The following DNAJC5B variants were observed in gnomAD, a reference collection of about 807,000 sequenced individuals.
DNAJC5B encodes DnaJ heat shock protein family (Hsp40) member C5 beta.
A neutral mutation model predicts 24.7 loss-of-function variants in DNAJC5B; 23 were observed. The observed-to-expected ratio is 0.93, with a 90% CI of 0.67 to 1.32. The LOEUF (loss-of-function observed/expected upper bound fraction) is 1.32, where lower values mean the gene tolerates loss of function less well. Among genes scored for constraint, DNAJC5B ranks in the 40% most tolerant of loss-of-function variants. The pLI, the probability that DNAJC5B is intolerant of heterozygous loss-of-function variation, is 0.00. For synonymous variants in DNAJC5B, 101 were observed against 90.1 expected, an observed-to-expected ratio of 1.12 and a Z score of -0.68; for missense variants, 238 against 240.8, an observed-to-expected ratio of 0.99 and a Z score of 0.08.
intron 3 of DNAJC5B, among the ~76,000 whole-genome samples, chr8:66,073,954 G>C (rs1807407906): frequency 1.3e-5 from 2 of 152,124 alleles, no homozygotes; most frequent in South Asian, 4.1e-4. Flanking sequence ...TTAAAAGAAA[G>C]AATTTGTGAT....
chr8:66,081,362 T>C (rs967179632), intron 5 of DNAJC5B, among the ~76,000 whole-genome samples: 54 of 152,150 alleles, frequency 3.5e-4, no homozygotes, highest in African/African-American at 1.1e-3. Context: ...TCTCCCATTA[T>C]TCTCTCTCAT....
At chr8:66,020,622 G>A (rs1484822465), upstream of DNAJC5B, among the ~76,000 whole-genome samples, 1 of 92,894 alleles carries the variant, frequency 1.1e-5, no homozygotes. Context: ...GTGTGTGTGT[G>A]TGTGTGTGTG....
At chr8:66,018,532 A>G (rs1372105273), upstream of DNAJC5B, among the ~76,000 whole-genome samples, 1 of 152,088 alleles carries the variant, frequency 6.6e-6, no homozygotes, top group Non-Finnish European at 1.5e-5. Context: ...AAACAAAACA[A>G]ACAAACAAAC....
chr8:66,030,303 C>T (rs550945598), intron 1 of DNAJC5B, among the ~76,000 whole-genome samples: 1 of 152,312 alleles, frequency 6.6e-6, no homozygotes, highest in African/African-American at 2.4e-5. Flanking sequence ...ATGTCCATTT[C>T]CTACATCTTC....
upstream of DNAJC5B, among the ~76,000 whole-genome samples, chr8:66,018,295 G>A (rs1048774897): frequency 7.9e-5 from 12 of 152,108 alleles, no homozygotes; most frequent in Non-Finnish European, 1.6e-4. Context: ...GAGGCGGGTG[G>A]ATCACGAGGT....
chr8:66,053,268 T>C (rs1806890978), intron 3 of DNAJC5B, among the ~76,000 whole-genome samples: 1 of 152,186 alleles, frequency 6.6e-6, no homozygotes, highest in Non-Finnish European at 1.5e-5. Context: ...CTTTCTTACA[T>C]ATAGTTTTAA....
intron 5 of DNAJC5B, among the ~76,000 whole-genome samples, chr8:66,085,177 C>T (rs796189831): frequency 2.0e-5 from 3 of 152,334 alleles, no homozygotes; most frequent in African/African-American, 7.2e-5. Context: ...CAGTGGCTTA[C>T]ATCTGTAATC....
intron 1 of DNAJC5B, among the ~76,000 whole-genome samples, chr8:66,026,041 C>A (rs1806233572): frequency 8.8e-6 from 1 of 113,548 alleles, no homozygotes; most frequent in Admixed American, 8.2e-5. Context: ...GATATTGATT[C>A]TTCCTACCCA....
intron 5 of DNAJC5B, among the ~76,000 whole-genome samples, chr8:66,089,734 T>C (rs1807805276): frequency 6.6e-6 from 1 of 152,164 alleles, no homozygotes; most frequent in Non-Finnish European, 1.5e-5. Context: ...TATGTCCCTT[T>C]AAACTATATC....
intron 3 of DNAJC5B, among the ~76,000 whole-genome samples, chr8:66,076,308 C>T (rs560125401): frequency 9.9e-5 from 15 of 152,238 alleles, no homozygotes; most frequent in Middle Eastern, 3.4e-3. Flanking sequence ...TAAACTGGTC[C>T]TGTTGCTGAA....
intron 3 of DNAJC5B, among the ~76,000 whole-genome samples, chr8:66,069,869 GTTGGCT>G (rs1169877727): frequency 2.0e-5 from 3 of 152,204 alleles, no homozygotes; most frequent in Non-Finnish European, 4.4e-5. Flanking sequence ...TCACGAACAA[GTTGGCT>G]TCATCCCTAG....
intron 3 of DNAJC5B, among the ~76,000 whole-genome samples, chr8:66,065,868 A>C (rs557770864): frequency 2.0e-4 from 31 of 152,234 alleles, no homozygotes; most frequent in Non-Finnish European, 3.4e-4. Context: ...TTACGGGTCT[A>C]GTTATGTCAT....
rs565808693 is a variant in DNAJC5B, at chr8:66,083,105, G to A, written c.505+2557G>A. Among the ~76,000 whole-genome samples the A allele has an allele frequency of 7.8e-5, 11 of 141,044 alleles. No individual in the cohort carries two copies. The East Asian group carries it at 8.6e-4, about 11-fold the overall frequency. The allele number at this position is 141,044 out of a possible 152,430, so 92.5% of individuals were successfully genotyped here. A position where few individuals can be genotyped will look rare whatever the true frequency, so the allele number is the denominator to read the frequency against. The stretch of plus-strand genomic sequence containing the variant: ...CGGCTCACTGCAACCGCCGCCTCCC[G>A]GGTTCAAGCAATTCTCCTGCCTCAG... On this transcript the variant is annotated intron_variant, in intron 5 of 5. Transcript: ENST00000276570.
intron 3 of DNAJC5B, among the ~76,000 whole-genome samples, chr8:66,067,917 A>G (rs1252833800): frequency 1.3e-5 from 2 of 152,238 alleles, no homozygotes; most frequent in African/African-American, 4.8e-5. Flanking sequence ...TTAAGTTCCT[A>G]AACTTTAAAC....
rs200735710 is a variant in DNAJC5B at position 66,076,616 on chromosome 8, T to C, written c.120-44T>C. 2.9e-5 allele frequency: 46 copies of C among 1,605,556 alleles called. No individual in the cohort carries two copies. In the African/African-American group the frequency reaches 4.7e-4, roughly 16 times the overall value. ...CCTTCTAAAACGCCATGGTTCATTC[T>C]TGTCAAATAACACACTCTCCTTGTT... On this transcript the variant is annotated intron_variant, in intron 3 of 5. Coordinates refer to ENST00000276570, the MANE Select transcript of DNAJC5B (RefSeq NM_033105.6).
At chr8:66,049,330 A>T (rs1271120958) in intron 2 of DNAJC5B, among the ~76,000 whole-genome samples, 1 of 152,116 alleles carries the variant, frequency 6.6e-6, no homozygotes, top group African/African-American at 2.4e-5. Context: ...CTTCATATTC[A>T]CTCATTGCTT....
chr8:66,082,060 A>G (rs1203471604), intron 5 of DNAJC5B, among the ~76,000 whole-genome samples: 2 of 152,122 alleles, frequency 1.3e-5, no homozygotes, highest in South Asian at 4.1e-4. Context: ...TGAGAATGAC[A>G]ATCCTAGCAT....
chr8:66,036,519 C>T (rs1258471387), intron 1 of DNAJC5B, among the ~76,000 whole-genome samples: 1 of 152,174 alleles, frequency 6.6e-6, no homozygotes, highest in Non-Finnish European at 1.5e-5. Context: ...CATGACCTGC[C>T]CCACCCGGAT....
chr8:66,061,743 T>C (rs1807087203), intron 3 of DNAJC5B, among the ~76,000 whole-genome samples: 1 of 152,192 alleles, frequency 6.6e-6, no homozygotes, highest in South Asian at 2.1e-4. Flanking sequence ...TATAATATGC[T>C]GAAAATTACA....
Sources: allele counts gnomAD v4.1 joint callset (sites outside exome capture counted in the v4.1 genomes callset), GRCh38; gene constraint gnomAD v4.1.1; transcripts MANE v1.5; gene names NCBI Gene and HGNC (gene_info 2026-07-23, HGNC 2026-07-21).